Variants in TTC28 observed in about 807,000 individuals in gnomAD.
TTC28 encodes the protein tetratricopeptide repeat protein 28.
Under a neutral mutation model 198.0 loss-of-function variants are expected in TTC28, and 61 were observed. The observed-to-expected ratio is 0.31, with a 90% CI of 0.25 to 0.38. The LOEUF is 0.38. Among genes scored for constraint, TTC28 ranks in the 10% least tolerant of loss-of-function variants. The pLI is 1.00. For missense variants in TTC28, 2,678 were observed against 3,164.0 expected, an observed-to-expected ratio of 0.85 and a Z score of 3.69; for synonymous variants, 1,171 against 1,297.8, an observed-to-expected ratio of 0.90 and a Z score of 2.10.
intron 12 of TTC28, among the ~76,000 whole-genome samples, chr22:28,088,904 C>A (rs1308003149): frequency 6.6e-6 from 1 of 152,150 alleles, no homozygotes; most frequent in Admixed American, 6.5e-5. Flanking sequence ...CCAAAACACA[C>A]GTGAAAAAAT....
intron 1 of TTC28, among the ~76,000 whole-genome samples, chr22:28,677,173 AAAATAT>A (rs1208446521): frequency 0.13 from 3,102 of 23,162 alleles, 55 homozygotes; most frequent in East Asian, 0.35. Flanking sequence ...AAAAAAAAAA[AAAATAT>A]ATATATATAT....
intron 6 of TTC28, among the ~76,000 whole-genome samples, chr22:28,125,502 C>A (rs1395193553): frequency 4.6e-5 from 7 of 152,168 alleles, no homozygotes; most frequent in African/African-American, 1.7e-4. Flanking sequence ...ATATGCAACA[C>A]CCCCAGCCAT....
chr22:28,337,584 C>A (rs1415088168), intron 2 of TTC28, among the ~76,000 whole-genome samples: 1 of 152,180 alleles, frequency 6.6e-6, no homozygotes, highest in Non-Finnish European at 1.5e-5. Context: ...GATCCCTTTA[C>A]CATTATGTAA....
At chr22:28,264,083 G>A (rs963933539) in intron 5 of TTC28, among the ~76,000 whole-genome samples, 21 of 152,068 alleles carry the variant, frequency 1.4e-4, no homozygotes, top group African/African-American at 4.6e-4. Context: ...TGGCTGTGTC[G>A]CCAGCCAAAT....
At chr22:28,632,628 G>T (rs999803721) in intron 1 of TTC28, among the ~76,000 whole-genome samples, 1 of 151,828 alleles carries the variant, frequency 6.6e-6, no homozygotes, top group Non-Finnish European at 1.5e-5. Context: ...GATCATCATG[G>T]TTCTGCTTAA....
intron 5 of TTC28, among the ~76,000 whole-genome samples, chr22:28,273,584 C>A (rs1401087614): frequency 1.3e-5 from 2 of 151,536 alleles, no homozygotes; most frequent in South Asian, 2.1e-4. Flanking sequence ...ATAAAAAATC[C>A]GGTACAAAGT....
chr22:28,631,693 T>C (rs559215655), intron 1 of TTC28, among the ~76,000 whole-genome samples: 3 of 152,142 alleles, frequency 2.0e-5, no homozygotes, highest in African/African-American at 7.2e-5. Context: ...CCTGGCTGAT[T>C]TTTTTATTAT....
At chr22:28,550,150 C>A (rs2049635616) in intron 2 of TTC28, among the ~76,000 whole-genome samples, 1 of 151,918 alleles carries the variant, frequency 6.6e-6, no homozygotes, top group Admixed American at 6.6e-5. Context: ...CTCACTACGT[C>A]CCTGAAAAAA....
intron 2 of TTC28, among the ~76,000 whole-genome samples, chr22:28,362,057 T>C (rs1032181467): frequency 6.6e-6 from 1 of 152,194 alleles, no homozygotes; most frequent in African/African-American, 2.4e-5. Context: ...TAATGTTGTT[T>C]TAATGCCTGC....
chr22:28,183,992 A>G (rs1012872979), intron 5 of TTC28, among the ~76,000 whole-genome samples: 5 of 152,226 alleles, frequency 3.3e-5, no homozygotes, highest in Non-Finnish European at 7.3e-5. Context: ...TGTTCCCTGC[A>G]TAATAATGGA....
At chr22:28,072,092 T>A (rs1941006412) in intron 12 of TTC28, among the ~76,000 whole-genome samples, 1 of 152,200 alleles carries the variant, frequency 6.6e-6, no homozygotes. Flanking sequence ...ATACTATATG[T>A]TCATGGCACT....
chr22:28,544,890 C>A (rs1239453922), intron 2 of TTC28, among the ~76,000 whole-genome samples: 1 of 152,162 alleles, frequency 6.6e-6, no homozygotes, highest in Non-Finnish European at 1.5e-5. Flanking sequence ...CCACCTCTTT[C>A]CCAGAAGTCT....
intron 17 of TTC28, among the ~76,000 whole-genome samples, chr22:27,995,427 C>T (rs1366613619): frequency 1.3e-5 from 2 of 152,176 alleles, no homozygotes; most frequent in African/African-American, 2.4e-5. Context: ...TTTGAAACGG[C>T]CTTCCAGGTT....
chr22:28,229,710 G>T (rs985923289), intron 5 of TTC28, among the ~76,000 whole-genome samples: 1 of 151,976 alleles, frequency 6.6e-6, no homozygotes, highest in Non-Finnish European at 1.5e-5. Flanking sequence ...ACAAGCATAC[G>T]AATCAGGAGT....
intron 6 of TTC28, among the ~76,000 whole-genome samples, chr22:28,154,156 G>A (rs1038431238): frequency 6.6e-5 from 10 of 152,036 alleles, no homozygotes; most frequent in African/African-American, 2.2e-4. Flanking sequence ...AGTGTGAGAG[G>A]ACTTTAACTG....
intron 2 of TTC28, among the ~76,000 whole-genome samples, chr22:28,541,149 TC>T (rs1569012224): frequency 6.6e-6 from 1 of 152,220 alleles, no homozygotes; most frequent in Non-Finnish European, 1.5e-5. Flanking sequence ...AGATACCACA[TC>T]TATGCTCTGC....
intron 2 of TTC28, among the ~76,000 whole-genome samples, chr22:28,502,488 A>AT (rs1462237052): frequency 6.6e-6 from 1 of 151,144 alleles, no homozygotes; most frequent in Admixed American, 6.6e-5. Context: ...AAAAAAAAAA[A>AT]ATACAAAAAA....
intron 2 of TTC28, among the ~76,000 whole-genome samples, chr22:28,370,441 C>G (rs772186180): frequency 6.6e-6 from 1 of 152,200 alleles, no homozygotes; most frequent in Non-Finnish European, 1.5e-5. Context: ...TTCCTACATA[C>G]TGTATTTCTT....
intron 6 of TTC28, among the ~76,000 whole-genome samples, chr22:28,133,550 A>T (rs1193953471): frequency 6.6e-6 from 1 of 152,218 alleles, no homozygotes; most frequent in Admixed American, 6.5e-5. Flanking sequence ...CAAACGGCAC[A>T]CCAGGAGATT....
Sources: allele counts gnomAD v4.1 joint callset (sites outside exome capture counted in the v4.1 genomes callset), GRCh38; gene constraint gnomAD v4.1.1; transcripts MANE v1.5; gene names NCBI Gene and HGNC (gene_info 2026-07-23, HGNC 2026-07-21).